Variants in ADORA2B observed in about 807,000 individuals in gnomAD.
ADORA2B encodes the protein adenosine A2b receptor.
Under a neutral mutation model 20.8 loss-of-function variants are expected in ADORA2B, and 18 were observed. That is an observed-to-expected ratio of 0.87 (90% CI 0.60 to 1.29). ADORA2B has a LOEUF of 1.29. Ranked by LOEUF, ADORA2B falls within the 50% of genes most tolerant of loss-of-function variation. The pLI is 0.00. For missense variants in ADORA2B, 441 were observed against 422.7 expected (o/e 1.04, Z -0.38); for synonymous variants, 179 against 178.3 (o/e 1.00, Z -0.03).
At chr17:15,963,771 A>G (rs1460286763) in intron 1 of ADORA2B, among the ~76,000 whole-genome samples, 4 of 152,224 alleles carry the variant, frequency 2.6e-5, no homozygotes, top group Admixed American at 6.5e-5. Flanking sequence ...TCTTCTTGCC[A>G]TAGGAAGCTG....
the ADORA2B span, among the ~76,000 whole-genome samples, chr17:15,857,768 C>G: frequency 2.0e-5 from 3 of 151,998 alleles, no homozygotes; most frequent in African/African-American, 7.2e-5. Context: ...CCCATTGTAT[C>G]TTGGAGGTAA....
At chr17:15,943,740 T>C (rs1969765350), upstream of ADORA2B, among the ~76,000 whole-genome samples, 1 of 152,162 alleles carries the variant, frequency 6.6e-6, no homozygotes, top group Admixed American at 6.5e-5. Context: ...CATCACCACA[T>C]TGAGAAAATT....
chr17:15,961,022 C>G (rs1970030686), intron 1 of ADORA2B, among the ~76,000 whole-genome samples: 1 of 151,114 alleles, frequency 6.6e-6, no homozygotes, highest in Non-Finnish European at 1.5e-5. Flanking sequence ...AAAAAATTAG[C>G]CAGGCGTGGT....
chr17:15,905,584 G>A, the ADORA2B span, among the ~76,000 whole-genome samples: 1 of 151,608 alleles, frequency 6.6e-6, no homozygotes, highest in Non-Finnish European at 1.5e-5. Context: ...TTTTCACCAT[G>A]TTAGCTAGGA....
chr17:15,960,225 G>T (rs985058628), intron 1 of ADORA2B, among the ~76,000 whole-genome samples: 1 of 151,278 alleles, frequency 6.6e-6, no homozygotes, highest in African/African-American at 2.4e-5. Flanking sequence ...CTATTAGATT[G>T]GTGCAAAAGT....
At chr17:15,943,841 T>A (rs1224092436), upstream of ADORA2B, among the ~76,000 whole-genome samples, 3 of 152,208 alleles carry the variant, frequency 2.0e-5, no homozygotes, top group Admixed American at 6.5e-5. Context: ...TTTACAAGCA[T>A]CTTTTCCTGT....
chr17:15,859,932 C>T, the ADORA2B span, among the ~76,000 whole-genome samples: 2 of 152,144 alleles, frequency 1.3e-5, no homozygotes, highest in South Asian at 2.1e-4. Context: ...TTTCTGCCTC[C>T]AAAGAAAGAA....
chr17:15,867,649 C>T, the ADORA2B span, among the ~76,000 whole-genome samples: 6 of 150,884 alleles, frequency 4.0e-5, no homozygotes, highest in East Asian at 2.0e-4. Context: ...CCCAGCCAGC[C>T]GCCCCATCCG....
At chr17:15,939,876 AAAAAAAG>A in the ADORA2B span, among the ~76,000 whole-genome samples, 5 of 151,754 alleles carry the variant, frequency 3.3e-5, no homozygotes, top group African/African-American at 1.2e-4. Flanking sequence ...AAAAAAAAAA[AAAAAAAG>A]AAGTTACATT....
the ADORA2B span, among the ~76,000 whole-genome samples, chr17:15,884,781 T>A: frequency 6.6e-6 from 1 of 152,350 alleles, no homozygotes; most frequent in Non-Finnish European, 1.5e-5. Context: ...TAGAATTCCA[T>A]GGTGTATATG....
the ADORA2B span, among the ~76,000 whole-genome samples, chr17:15,867,892 C>T: frequency 5.9e-5 from 9 of 151,854 alleles, no homozygotes; most frequent in Admixed American, 3.3e-4. Flanking sequence ...TCATTGAGAA[C>T]GGGTCATGAT....
rs542696683 is a variant in ADORA2B at position 15,975,413 on chromosome 17, T to C, written c.*71T>C. On this transcript the variant is annotated 3_prime_UTR_variant, in exon 2 of 2. Coordinates refer to ENST00000304222, the MANE Select transcript of ADORA2B (RefSeq NM_000676.4). Reference sequence around the variant, plus strand: ...ACAAAGAGGACACGGCTGGTTTTCATTGTGAAAGATAGCTACACCTCACAA... The same window carrying C: ...ACAAAGAGGACACGGCTGGTTTTCACTGTGAAAGATAGCTACACCTCACAA... The C allele has an allele frequency of 2.6e-5, 38 of 1,487,644 alleles. No homozygotes were observed. The South Asian group carries it at 4.4e-4, about 17-fold the overall frequency. The allele number at this position is 1,487,644 out of a possible 1,614,324, so 92.2% of individuals were successfully genotyped here. A position where few individuals can be genotyped will look rare whatever the true frequency, so the allele number is the denominator to read the frequency against.
the ADORA2B span, among the ~76,000 whole-genome samples, chr17:15,899,944 G>A: frequency 6.6e-6 from 1 of 151,584 alleles, no homozygotes; most frequent in South Asian, 2.1e-4. Flanking sequence ...TGATTCTTCT[G>A]CCTCAGCCTC....
the ADORA2B span, among the ~76,000 whole-genome samples, chr17:15,855,979 A>G: frequency 1.5e-3 from 230 of 151,516 alleles, no homozygotes; most frequent in Non-Finnish European, 2.4e-3. Flanking sequence ...GGCAGCCACC[A>G]CTCTACTCTC....
At chr17:15,910,263 C>T in the ADORA2B span, among the ~76,000 whole-genome samples, 1 of 152,084 alleles carries the variant, frequency 6.6e-6, no homozygotes. Context: ...ACATGCAGCC[C>T]AGGGTGGCTT....
upstream of ADORA2B, among the ~76,000 whole-genome samples, chr17:15,941,759 TG>T (rs1480564133): frequency 6.6e-6 from 1 of 150,654 alleles, no homozygotes; most frequent in Non-Finnish European, 1.5e-5. Context: ...CTAAATGCCA[TG>T]ACTCTCTTCG....
the ADORA2B span, among the ~76,000 whole-genome samples, chr17:15,853,678 C>T: frequency 1.3e-5 from 2 of 152,102 alleles, no homozygotes; most frequent in African/African-American, 2.4e-5. Context: ...AAAGGAAATG[C>T]CAGGAGGCCC....
chr17:15,938,492 C>T, the ADORA2B span, among the ~76,000 whole-genome samples: 12 of 152,178 alleles, frequency 7.9e-5, no homozygotes, highest in East Asian at 3.9e-4. Flanking sequence ...GTAGTAGAGA[C>T]GAGGTTTCAT....
chr17:15,943,369 C>T (rs190523661), upstream of ADORA2B, among the ~76,000 whole-genome samples: 3 of 152,270 alleles, frequency 2.0e-5, no homozygotes, highest in East Asian at 5.8e-4. Flanking sequence ...TTTGCCCAGC[C>T]TGGATGGAAT....
Sources: allele counts gnomAD v4.1 joint callset (sites outside exome capture counted in the v4.1 genomes callset), GRCh38; gene constraint gnomAD v4.1.1; transcripts MANE v1.5; gene names NCBI Gene and HGNC (gene_info 2026-07-23, HGNC 2026-07-21).